The following PLA2G3 variants were observed in gnomAD, a reference collection of about 807,000 sequenced individuals.
PLA2G3 encodes the protein group 3 secretory phospholipase A2.
A neutral mutation model predicts 51.3 loss-of-function variants in PLA2G3; 39 were observed. The ratio of observed to expected loss-of-function variants is 0.76; its 90% CI spans 0.59 to 0.99. The LOEUF (loss-of-function observed/expected upper bound fraction) is 0.99. PLA2G3 is among the 50% of genes least tolerant of loss of function. The probability of loss-of-function intolerance (pLI) is 0.00; values close to 1 mark genes in which losing one functional copy is unlikely to be tolerated. For synonymous variants in PLA2G3, 293 were observed against 263.1 expected (o/e 1.11, Z -1.10); for missense variants, 677 against 662.1 (o/e 1.02, Z -0.25).
chr22:31,138,546 C>T (rs1922724587), intron 2 of PLA2G3, 121 bp downstream of exon 2: 3 of 1,498,524 alleles, frequency 2.0e-6, no homozygotes, highest in East Asian at 2.3e-5. Context: ...TTCCTACCTG[C>T]ACTGTGGGGT....
chr22:31,137,744 G>A lies in PLA2G3; in HGVS notation c.1032C>T (p.Gly344=), dbSNP rs1922659838. ...TTAGGCCACCCTGTGGGCCCTGGAG[G>A]CCTGTGGGGGCCACATCAAGCCTGG... ...VSPRLDVAPT[G]LQGPQGGLKP... The change falls in exon 4 of 7, where the codon GGC becomes GGT. Residue 344 remains glycine, a synonymous_variant. Coordinates refer to ENST00000215885, the MANE Select transcript of PLA2G3 (RefSeq NM_015715.5). 1.9e-6 allele frequency: 3 copies of A among 1,612,478 alleles called. No homozygotes were observed. The highest frequency in any genetic ancestry group is 2.5e-6 in the Non-Finnish European group (3 of 1,179,620).
intron 1 of PLA2G3, 53 bp downstream of exon 1, chr22:31,139,788 A>G (rs1922785098): frequency 7.5e-7 from 1 of 1,333,620 alleles, no homozygotes; most frequent in Non-Finnish European, 1.1e-6. Flanking sequence ...GGGGCTGAAG[A>G]AACCTTGCTT....
chr22:31,138,380 G>C lies in PLA2G3; in HGVS notation c.678C>G (p.Asp226Glu). 3 of 1,613,984 alleles carry C rather than the reference G, an allele frequency of 1.9e-6. No individual in the cohort carries two copies. The highest frequency in any genetic ancestry group is 2.5e-6 in the Non-Finnish European group (3 of 1,179,980). Residue 226 changes from aspartate to glutamate, a missense_variant, in exon 3 of 7, where the codon GAC (aspartate) becomes GAG (glutamate). Transcript: ENST00000215885. The part of the protein sequence containing the change: ...RFQQCLQNQH[D>E]SISDIVGVAF... ...CCACGCCCACGATGTCCGAGATGGA[G>C]TCGTGCTGATTCTGTAGGCATTGCT...
chr22:31,135,186 C>T lies in PLA2G3; in HGVS notation c.*537G>A. 1 of 152,712 alleles carries T rather than the reference C, an allele frequency of 6.5e-6. No individual in the cohort carries two copies. Among genetic ancestry groups the T allele is most frequent in the Non-Finnish European group, 1.5e-5 (1 of 68,638 alleles). 9.5% of individuals were successfully genotyped at this position (152,712 alleles called of 1,614,324 possible). ...GCACGGCAGCCGTTAAAAAAAGAGG[C>T]CCCCCTGGGAGGAGGGGAGCTGAAA... On this transcript the variant is annotated 3_prime_UTR_variant, in exon 7 of 7. Coordinates refer to ENST00000215885, the MANE Select transcript of PLA2G3 (RefSeq NM_015715.5).
chr22:31,137,209 G>A (rs1922627529), intron 4 of PLA2G3, among the ~76,000 whole-genome samples, 169 bp from the exon 5 acceptor site: 1 of 152,236 alleles, frequency 6.6e-6, no homozygotes, highest in South Asian at 2.1e-4. Flanking sequence ...CCTTGTGGCA[G>A]TGCCTCCCTA....
rs780333002 is a variant in PLA2G3, at chr22:31,138,708, G to A, written c.606C>T (p.Asn202=). The part of the protein sequence containing the change: ...SPLQYNYGIR[N]YRFHTISHCD... Reference sequence around the variant, plus strand: ...AGTGGGAGATGGTGTGGAATCGGTAGTTTCGGATGCCATAGTTGTACTGCA... The same window carrying A: ...AGTGGGAGATGGTGTGGAATCGGTAATTTCGGATGCCATAGTTGTACTGCA... The change falls in exon 2 of 7, where the codon AAC becomes AAT. Residue 202 remains asparagine (N), a synonymous_variant. Coordinates refer to ENST00000215885, the MANE Select transcript of PLA2G3 (RefSeq NM_015715.5). 1.2e-6 allele frequency: 2 copies of A among 1,614,144 alleles called. No homozygotes were observed. Among genetic ancestry groups the A allele is most frequent in the Non-Finnish European group, 1.7e-6 (2 of 1,180,012 alleles).
At position 31,135,662 on chromosome 22, in the gene PLA2G3, C is replaced by A; in HGVS notation, c.*61G>T. 7.6e-7 allele frequency: 1 copy of A among 1,322,392 alleles called. No individual in the cohort carries two copies. The highest frequency in any genetic ancestry group is 1.1e-6 in the Non-Finnish European group (1 of 921,820). 81.9% of individuals were successfully genotyped at this position (1,322,392 alleles called of 1,614,324 possible). On this transcript the variant is annotated 3_prime_UTR_variant, in exon 7 of 7. Coordinates refer to ENST00000215885, the MANE Select transcript of PLA2G3 (RefSeq NM_015715.5). ...CCTACGGAGGGGAGGCTGAGATTCC[C>A]AAGGCTTGGCATAGCCATGGGCAAG...
chr22:31,136,581 C>T (rs9621198), intron 6 of PLA2G3, 102 bp downstream of exon 6: 49,782 of 897,604 alleles, frequency 0.055, 3,740 homozygotes, highest in African/African-American at 0.31. Flanking sequence ...CAGAGGTCTC[C>T]GGATCCCTTC....
Position 31,139,985 on chromosome 22 carries a change from T to C in PLA2G3, c.370A>G (p.Ser124Gly), listed in dbSNP as rs2147897137. The C allele has an allele frequency of 6.2e-7, 1 of 1,613,762 alleles. No homozygotes were observed. The highest frequency in any genetic ancestry group is 2.2e-5 in the East Asian group (1 of 44,866). ...CGCTTCTTCCTGGCCCCTGCTGGAC[T>C]CTCCTCAAGCGCTCGGCATGCCTCC... Reference protein sequence around the residue: ...QWEACRALEESPAGARKKRAA... With the variant: ...QWEACRALEEGPAGARKKRAA... The change falls in exon 1 of 7, where the codon AGT (serine) becomes GGT (glycine). Residue 124 changes from serine to glycine, a missense_variant. By Grantham distance (56) the Ser-to-Gly change is moderately conservative. Coordinates refer to ENST00000215885, the MANE Select transcript of PLA2G3 (RefSeq NM_015715.5).
intron 4 of PLA2G3, 150 bp from the exon 5 acceptor site, chr22:31,137,190 G>T: frequency 1.1e-6 from 1 of 871,418 alleles, no homozygotes; most frequent in Non-Finnish European, 1.7e-6. Flanking sequence ...TGTGCCCTCA[G>T]TGTGCCGCCC....
chr22:31,139,588 G>C (rs555233351), intron 1 of PLA2G3, among the ~76,000 whole-genome samples: 1 of 152,244 alleles, frequency 6.6e-6, no homozygotes, highest in Admixed American at 6.5e-5. Context: ...TCCTCCCCCA[G>C]CCTGCCCAGT....
intron 6 of PLA2G3, 141 bp from the exon 7 acceptor site, chr22:31,136,077 A>T: frequency 1.5e-6 from 1 of 670,448 alleles, no homozygotes; most frequent in Non-Finnish European, 2.5e-6. Context: ...GGTTTCACGG[A>T]GAAAGGGTAT....
Position 31,137,791 on chromosome 22 carries a change from G to A in PLA2G3, c.985C>T (p.Leu329Phe), listed in dbSNP as rs1325039012. The A allele has an allele frequency of 3.1e-6, 5 of 1,614,052 alleles. No individual in the cohort carries two copies. The highest frequency in any genetic ancestry group is 4.2e-6 in the Non-Finnish European group (5 of 1,179,988). The change falls in exon 4 of 7, where the codon CTC becomes TTC. Residue 329 changes from leucine to phenylalanine, a missense_variant. By Grantham distance (22) the Leu-to-Phe change is conservative (BLOSUM62 0). Coordinates refer to ENST00000215885, the MANE Select transcript of PLA2G3 (RefSeq NM_015715.5). The stretch of plus-strand genomic sequence containing the variant: ...CTGGGAGAGACCATAGGGTCCTGGA[G>A]GGCTGTGGTGTTGGCTTTGCTGGGG... ...KRPSKANTTA[L>F]QDPMVSPRLD...
chr22:31,138,054 G>T (rs948050050), intron 3 of PLA2G3, 61 bp from the exon 4 acceptor site: 2 of 1,492,384 alleles, frequency 1.3e-6, no homozygotes, highest in South Asian at 1.3e-5. Flanking sequence ...AAGCCCCCAG[G>T]GTCGTCTCCA....
At position 31,140,258 on chromosome 22, in the gene PLA2G3, A is replaced by G; in HGVS notation, c.97T>C (p.Leu33=). The change falls in exon 1 of 7, where the codon TTG becomes CTG. Residue 33 remains leucine, a synonymous_variant. Transcript: ENST00000215885. ...GGGTTGCCAGGGACGGCCTTGGTCAAGTGGCAGGAGGTCCTGTACCAGCGG... is the reference window on the plus strand; with the variant it reads ...GGGTTGCCAGGGACGGCCTTGGTCAGGTGGCAGGAGGTCCTGTACCAGCGG... ...ALRWYRTSCH[L]TKAVPGNPLG... 2 of 1,612,520 alleles carry G rather than the reference A, an allele frequency of 1.2e-6. No homozygotes were observed. The highest frequency in any genetic ancestry group is 1.7e-6 in the Non-Finnish European group (2 of 1,180,000).
chr22:31,139,735 A>C, intron 1 of PLA2G3, 106 bp downstream of exon 1: 1 of 728,848 alleles, frequency 1.4e-6, no homozygotes, highest in South Asian at 1.8e-5. Flanking sequence ...CACCATGGTC[A>C]AGTCACTCCC....
rs866948115 is a variant in PLA2G3 at position 31,137,844 on chromosome 22, C to T, written c.932G>A (p.Gly311Glu). ...KPRQKQHLRK[G>E]PPHQKGSKRP... is the part of the protein sequence containing the mutation. The stretch of plus-strand genomic sequence containing the variant: ...CTTGGACCCTTTCTGATGTGGTGGC[C>T]CCTTCCGAAGGTGCTGCTTCTGTCG... The change falls in exon 4 of 7, where the codon GGG becomes GAG. Residue 311 changes from glycine (G) to glutamate (E), a missense_variant. Coordinates refer to ENST00000215885, the MANE Select transcript of PLA2G3 (RefSeq NM_015715.5). 6.2e-7 allele frequency: 1 copy of T among 1,613,964 alleles called. No individual in the cohort carries two copies. The highest frequency in any genetic ancestry group is 8.5e-7 in the Non-Finnish European group (1 of 1,180,030).
intron 6 of PLA2G3, among the ~76,000 whole-genome samples, chr22:31,136,464 T>G (rs1367098184): frequency 6.6e-6 from 1 of 151,968 alleles, no homozygotes; most frequent in Non-Finnish European, 1.5e-5. Flanking sequence ...GTTGCCAAGG[T>G]CATGTGGGAA....
rs748165884 is a variant in PLA2G3 at position 31,139,993 on chromosome 22, A to G, written c.362T>C (p.Leu121Pro). ...LQSQWEACRA[L>P]EESPAGARKK... ...CCTGGCCCCTGCTGGACTCTCCTCA[A>G]GCGCTCGGCATGCCTCCCACTGACT... Residue 121 changes from leucine to proline, a missense_variant, in exon 1 of 7, where the codon CTT (leucine) becomes CCT (proline). Physicochemically the swap from Leu to Pro is moderately conservative, Grantham distance 98. Transcript: ENST00000215885. 9 of 1,613,816 alleles carry G rather than the reference A, an allele frequency of 5.6e-6. No individual in the cohort carries two copies. Among genetic ancestry groups the G allele is most frequent in the Non-Finnish European group, 6.8e-6 (8 of 1,180,016 alleles).
Sources: allele counts gnomAD v4.1 joint callset (sites outside exome capture counted in the v4.1 genomes callset), GRCh38; gene constraint gnomAD v4.1.1; transcripts MANE v1.5; gene names NCBI Gene and HGNC (gene_info 2026-07-23, HGNC 2026-07-21).